Variants in GKAP1 observed in about 807,000 individuals in gnomAD.
The protein encoded by GKAP1 is G kinase anchoring protein 1.
GKAP1 carries 31 observed loss-of-function variants against 56.7 expected under a neutral mutation model. That is an observed-to-expected ratio of 0.55 (90% CI 0.41 to 0.74). The LOEUF (loss-of-function observed/expected upper bound fraction) is 0.74, where lower values mean the gene tolerates loss of function less well. GKAP1 is among the 30% of genes least tolerant of loss of function. GKAP1 has a pLI of 0.00. For missense variants in GKAP1, 364 were observed against 402.3 expected (o/e 0.90, Z 0.82); for synonymous variants, 151 against 138.6 (o/e 1.09, Z -0.63).
At chr9:83,791,404 A>G (rs1944158014) in intron 4 of GKAP1, among the ~76,000 whole-genome samples, 1 of 33,432 alleles carries the variant, frequency 3.0e-5, no homozygotes, top group Non-Finnish European at 9.0e-5. Flanking sequence ...CTCCGTCTCA[A>G]AAAAAAAAAA....
chr9:83,742,677 C>A, intron 10 of GKAP1, 77 bp from the exon 11 acceptor site: 1 of 798,300 alleles, frequency 1.3e-6, no homozygotes, highest in South Asian at 1.6e-5. Context: ...GGAACTAAGA[C>A]ATAGCAGTGC....
At chr9:83,782,094 G>C (rs1053158176) in intron 6 of GKAP1, among the ~76,000 whole-genome samples, 1 of 151,668 alleles carries the variant, frequency 6.6e-6, no homozygotes, top group African/African-American at 2.4e-5. Flanking sequence ...CGCCCACCTC[G>C]GCCTCCCAAA....
intron 7 of GKAP1, among the ~76,000 whole-genome samples, chr9:83,779,491 A>G (rs1297694668): frequency 2.8e-5 from 4 of 144,460 alleles, no homozygotes; most frequent in Non-Finnish European, 4.6e-5. Flanking sequence ...ATACATATAT[A>G]CACATATACA....
rs536928609 is a variant in GKAP1, at chr9:83,777,740, T to C, written c.585+2642A>G. Among the ~76,000 whole-genome samples, 8 of 152,226 alleles carry C rather than the reference T, an allele frequency of 5.3e-5. No homozygotes were observed. The East Asian group carries it at 9.6e-4, about 18-fold the overall frequency. On this transcript the variant is annotated intron_variant, in intron 7 of 12. Transcript: ENST00000376371. ...AAAATCCCTTGGCCTAAGTAATATA[T>C]TAAAGATGGAATGAATTAAGTTAAT...
chr9:83,762,478 C>G (rs539915500), intron 8 of GKAP1, among the ~76,000 whole-genome samples: 3 of 152,178 alleles, frequency 2.0e-5, no homozygotes, highest in African/African-American at 7.2e-5. Context: ...CGATACCACC[C>G]AAAGCAATCT....
chr9:83,790,641 C>CA (rs966190802), intron 4 of GKAP1, among the ~76,000 whole-genome samples: 4 of 131,614 alleles, frequency 3.0e-5, no homozygotes, highest in Middle Eastern at 3.9e-3. Flanking sequence ...CAAAACAAAA[C>CA]AAAAAAACAA....
At chr9:83,804,504 GCCC>G (rs1944398160) in intron 3 of GKAP1, among the ~76,000 whole-genome samples, 1 of 74,146 alleles carries the variant, frequency 1.3e-5, no homozygotes, top group Non-Finnish European at 2.7e-5. Context: ...TCGGCCAGCC[GCCC>G]CGTCCGGGAG....
Position 83,804,094 on chromosome 9 carries a change from C to T in GKAP1, c.216+2208G>A, listed in dbSNP as rs574969156. Among the ~76,000 whole-genome samples the T allele has an allele frequency of 3.7e-3, 564 of 150,402 alleles. 9 individuals are homozygous for T. The highest frequency in any genetic ancestry group is 0.013 in the African/African-American group (528 of 40,810). ...CTGGGAAGTGAGGAGCGTCTCCGCC[C>T]GGCAGCCGCCCCGTCCGGGAGGGAG... is the stretch of plus-strand genomic sequence containing the variant. On this transcript the variant is annotated intron_variant, in intron 3 of 12. Transcript: ENST00000376371.
chr9:83,759,127 T>C (rs575124761), intron 8 of GKAP1, among the ~76,000 whole-genome samples: 129 of 152,260 alleles, frequency 8.5e-4, no homozygotes, highest in Admixed American at 1.7e-3. Flanking sequence ...TGGCAGCCCC[T>C]CCCCAATCAT....
intron 7 of GKAP1, among the ~76,000 whole-genome samples, chr9:83,773,263 A>G (rs1943793180): frequency 6.6e-6 from 1 of 152,246 alleles, no homozygotes; most frequent in South Asian, 2.1e-4. Flanking sequence ...AAGTGAAAGA[A>G]GCCAAACACA....
chr9:83,759,201 T>G (rs1272212561), intron 8 of GKAP1, among the ~76,000 whole-genome samples: 1 of 152,232 alleles, frequency 6.6e-6, no homozygotes, highest in Admixed American at 6.5e-5. Flanking sequence ...TTTTCCTTTG[T>G]TAAAGTATTT....
At chr9:83,788,802 C>A in intron 4 of GKAP1, 124 bp from the exon 5 acceptor site, 1 of 525,686 alleles carries the variant, frequency 1.9e-6, no homozygotes, top group Non-Finnish European at 3.3e-6. Flanking sequence ...TATGGATTCT[C>A]CAAAGTTATC....
rs779804701 is a variant in GKAP1 at position 83,780,388 on chromosome 9, C to CTTA, written c.578_579insTAA (p.Lys192_Lys193insAsn). On this transcript the variant is annotated inframe_insertion, in exon 7 of 13. Transcript: ENST00000376371. ...TGGCTACAATAAGACTTACCTCAGT[C>CTTA]TTTTTACTAATGTGATCTGTAAATG... The CTTA allele has an allele frequency of 2.1e-4, 254 of 1,182,370 alleles. 3 individuals carry two copies. The East Asian group carries it at 0.01, about 49-fold the overall frequency. The allele number at this position is 1,182,370 out of a possible 1,614,324, so 73.2% of individuals were successfully genotyped here.
intron 2 of GKAP1, among the ~76,000 whole-genome samples, chr9:83,812,645 A>G (rs1338981331): frequency 6.7e-6 from 1 of 148,710 alleles, no homozygotes; most frequent in African/African-American, 2.6e-5. Flanking sequence ...CGGCTCTACA[A>G]TGATATTAGT....
intron 7 of GKAP1, among the ~76,000 whole-genome samples, chr9:83,772,327 GT>G: frequency 6.6e-6 from 1 of 152,090 alleles, no homozygotes. Context: ...TTTTAAAAAG[GT>G]GTCAAGGTAT....
intron 6 of GKAP1, among the ~76,000 whole-genome samples, chr9:83,783,381 T>A (rs1944010096): frequency 6.6e-6 from 1 of 152,350 alleles, no homozygotes; most frequent in East Asian, 1.9e-4. Context: ...CATATGTGAC[T>A]GAGCACTTGA....
At chr9:83,805,163 CCTTA>C (rs922475606) in intron 3 of GKAP1, among the ~76,000 whole-genome samples, 4 of 152,294 alleles carry the variant, frequency 2.6e-5, no homozygotes, top group African/African-American at 9.6e-5. Flanking sequence ...TGATCGGTGA[CCTTA>C]CCCCCAACCC....
At chr9:83,816,529 A>T (rs1299674349) in intron 2 of GKAP1, among the ~76,000 whole-genome samples, 1 of 152,252 alleles carries the variant, frequency 6.6e-6, no homozygotes, top group African/African-American at 2.4e-5. Flanking sequence ...AAATCTGTTG[A>T]GAAAAGAAAT....
intron 8 of GKAP1, among the ~76,000 whole-genome samples, chr9:83,765,623 CATCTCTTTA>C (rs1943649976): frequency 6.6e-6 from 1 of 152,206 alleles, no homozygotes; most frequent in South Asian, 2.1e-4. Context: ...CATGGGAGCA[CATCTCTTTA>C]ATCAGCAAGA....
Sources: allele counts gnomAD v4.1 joint callset (sites outside exome capture counted in the v4.1 genomes callset), GRCh38; gene constraint gnomAD v4.1.1; transcripts MANE v1.5; gene names NCBI Gene and HGNC (gene_info 2026-07-23, HGNC 2026-07-21).